CEP135: variants seen among roughly 807,000 people sequenced by gnomAD.
CEP135 encodes centrosomal protein of 135 kDa.
Under a neutral mutation model 157.3 loss-of-function variants are expected in CEP135, and 142 were observed. The ratio of observed to expected loss-of-function variants is 0.90; its 90% CI spans 0.79 to 1.04. The LOEUF (loss-of-function observed/expected upper bound fraction) is 1.04, where lower values mean the gene tolerates loss of function less well. Among genes scored for constraint, CEP135 ranks in the 50% least tolerant of loss-of-function variants. The pLI is 0.00. For synonymous variants in CEP135, 396 were observed against 439.8 expected (o/e 0.90, Z 1.25); for missense variants, 1,317 against 1,309.2 (o/e 1.01, Z -0.09).
In CEP135 at chr4:56,031,377, A is replaced by G. The variant is rs1221095665; in HGVS notation, c.*29A>G. 3 of 152,696 alleles carry G rather than the reference A, an allele frequency of 2.0e-5. No individual in the cohort carries two copies. Among genetic ancestry groups the G allele is most frequent in the Non-Finnish European group, 4.4e-5 (3 of 68,012 alleles). 9.5% of individuals were successfully genotyped at this position (152,696 alleles called of 1,614,324 possible). On this transcript the variant is annotated 3_prime_UTR_variant, in exon 26 of 26. Transcript: ENST00000257287. ...CCTTTCAGAATAATGGCTTTCAATG[A>G]GTTCCTATGTGGATTTTTAAAAGAA...
chr4:55,989,691 A>C (rs972153656), intron 14 of CEP135, among the ~76,000 whole-genome samples: 4 of 152,232 alleles, frequency 2.6e-5, no homozygotes, highest in African/African-American at 4.8e-5. Context: ...AGAAATTACA[A>C]ATGGCTAATA....
intron 21 of CEP135, among the ~76,000 whole-genome samples, chr4:56,012,895 T>C (rs556064979): frequency 2.0e-5 from 3 of 152,352 alleles, no homozygotes; most frequent in Non-Finnish European, 4.4e-5. Flanking sequence ...TTTCAGTTCT[T>C]TTGGGTATAT....
In CEP135 at chr4:55,992,057, C is replaced by T. The variant is rs1729818327; in HGVS notation, c.1981C>T (p.His661Tyr). 6 of 1,598,664 alleles carry T rather than the reference C, an allele frequency of 3.8e-6. No individual in the cohort carries two copies. Among genetic ancestry groups the T allele is most frequent in the Non-Finnish European group, 5.1e-6 (6 of 1,175,996 alleles). The change falls in exon 15 of 26, where the codon CAT (histidine) becomes TAT (tyrosine). Residue 661 changes from histidine to tyrosine, a missense_variant. By Grantham distance (83) the His-to-Tyr change is moderately conservative (BLOSUM62 2). Coordinates refer to ENST00000257287, the MANE Select transcript of CEP135 (RefSeq NM_025009.5). ...KFSHVAGDSS[H>Y]QKTEVNSLRI... ...TAGCCATGTGGCTGGTGACTCATCT[C>T]ATCAGAAAACAGAGGTGAACTCACT...
chr4:56,018,211 C>T (rs2109743436), intron 22 of CEP135, among the ~76,000 whole-genome samples: 1 of 152,256 alleles, frequency 6.6e-6, no homozygotes, highest in East Asian at 1.9e-4. Context: ...AACTCCCAAC[C>T]TCACGTGATC....
chr4:56,010,360 CA>C (rs34182911), intron 19 of CEP135, among the ~76,000 whole-genome samples: 60,819 of 110,684 alleles, frequency 0.55, 13,674 homozygotes, highest in African/African-American at 0.63. Context: ...AGACTCCATC[CA>C]AAAAAAAAAA....
intron 10 of CEP135, among the ~76,000 whole-genome samples, chr4:55,973,305 T>C (rs1407108888): frequency 6.6e-6 from 1 of 152,244 alleles, no homozygotes; most frequent in Non-Finnish European, 1.5e-5. Context: ...TACACTGTTC[T>C]CTTAGCGTTT....
At chr4:56,006,617 C>CA (rs1266449843) in intron 17 of CEP135, among the ~76,000 whole-genome samples, 1 of 151,864 alleles carries the variant, frequency 6.6e-6, no homozygotes, top group Non-Finnish European at 1.5e-5. Flanking sequence ...GACCCTGTCT[C>CA]AAAAAAATAT....
Position 56,011,743 on chromosome 4 carries a change from G to A in CEP135, c.2617-57G>A, listed in dbSNP as rs1730590111. ...GTATGTGTATGTGTTTATGACATAG[G>A]TGTTCCAGGAAGTGACAATTACTAA... On this transcript the variant is annotated intron_variant, in intron 20 of 25. Coordinates refer to ENST00000257287, the MANE Select transcript of CEP135 (RefSeq NM_025009.5). 2.2e-6 allele frequency: 3 copies of A among 1,369,514 alleles called. No homozygotes were observed. The South Asian group carries it at 4.2e-5, about 19-fold the overall frequency. 84.8% of individuals were successfully genotyped at this position (1,369,514 alleles called of 1,614,324 possible). A position where few individuals can be genotyped will look rare whatever the true frequency, so the allele number is the denominator to read the frequency against.
intron 17 of CEP135, among the ~76,000 whole-genome samples, chr4:56,002,672 G>A (rs934961052): frequency 6.6e-6 from 1 of 152,054 alleles, no homozygotes; most frequent in Non-Finnish European, 1.5e-5. Flanking sequence ...GCATATATTT[G>A]CATCAATGAT....
intron 1 of CEP135, among the ~76,000 whole-genome samples, chr4:55,951,749 G>A (rs1258567222): frequency 6.6e-6 from 1 of 152,066 alleles, no homozygotes; most frequent in Non-Finnish European, 1.5e-5. Context: ...AAATTTTGAT[G>A]AAGTCCAATT....
chr4:56,029,620 A>G (rs774937083), intron 25 of CEP135, among the ~76,000 whole-genome samples: 4 of 152,100 alleles, frequency 2.6e-5, no homozygotes, highest in Non-Finnish European at 4.4e-5. Context: ...TACTTACACA[A>G]ACCTAGATGG....
chr4:56,013,878 G>A (rs897236406), intron 21 of CEP135, among the ~76,000 whole-genome samples: 5 of 152,126 alleles, frequency 3.3e-5, no homozygotes, highest in African/African-American at 4.8e-5. Flanking sequence ...AGGTCATAGC[G>A]GATTAGGGTT....
intron 21 of CEP135, among the ~76,000 whole-genome samples, chr4:56,014,952 TG>T (rs35012864): frequency 2.6e-5 from 4 of 151,856 alleles, no homozygotes; most frequent in African/African-American, 9.7e-5. Flanking sequence ...CCCAGCTACT[TG>T]GGGGGCTGAG....
At chr4:56,026,942 T>G (rs1560428657) in intron 25 of CEP135, among the ~76,000 whole-genome samples, 1 of 152,220 alleles carries the variant, frequency 6.6e-6, no homozygotes, top group Non-Finnish European at 1.5e-5. Context: ...TAGAAGATAA[T>G]TAAACATTTC....
chr4:55,955,339 A>G (rs991152999), intron 4 of CEP135, among the ~76,000 whole-genome samples: 1 of 152,186 alleles, frequency 6.6e-6, no homozygotes, highest in African/African-American at 2.4e-5. Flanking sequence ...TTGGAGTTGA[A>G]GAACTAGAAG....
chr4:56,024,533 G>A lies in CEP135; in HGVS notation c.3353G>A (p.Gly1118Asp). ...ERAIQEMRRH[G>D]LATPPLSSTL... ...GCAATCCAAGAGATGCGTCGACATG[G>A]TCTTGCTACACCACCCCTTAGTTCC... The change falls in exon 25 of 26, where the codon GGT (glycine) becomes GAT (aspartate). Residue 1118 changes from glycine to aspartate, a missense_variant. Physicochemically the swap from Gly to Asp is moderately conservative, Grantham distance 94. Coordinates refer to ENST00000257287, the MANE Select transcript of CEP135 (RefSeq NM_025009.5). 1 of 1,613,844 alleles carries A rather than the reference G, an allele frequency of 6.2e-7. No homozygotes were observed. The highest frequency in any genetic ancestry group is 1.3e-5 in the African/African-American group (1 of 74,998).
At chr4:56,023,712 T>C (rs1177011991) in intron 24 of CEP135, among the ~76,000 whole-genome samples, 2 of 143,588 alleles carry the variant, frequency 1.4e-5, no homozygotes, top group Non-Finnish European at 3.0e-5. Flanking sequence ...ATACTGTATA[T>C]TATATGTAAT....
At chr4:56,027,010 A>G (rs942436095) in intron 25 of CEP135, among the ~76,000 whole-genome samples, 2 of 152,296 alleles carry the variant, frequency 1.3e-5, no homozygotes, top group African/African-American at 4.8e-5. Context: ...TGACGTACTG[A>G]TGCCCTCAAG....
At position 55,964,406 on chromosome 4, in the gene CEP135, A is replaced by T; in HGVS notation, c.828+4A>T. On this transcript the variant is annotated splice_donor_region_variant and intron_variant, in intron 7 of 25. Transcript: ENST00000257287. ...TATTGCTCATTTAAATATTCAGGTA[A>T]TGGCTTTTATAATTATTTCACTGAG... 6.3e-7 allele frequency: 1 copy of T among 1,590,558 alleles called. No individual in the cohort carries two copies. Among genetic ancestry groups the T allele is most frequent in the Non-Finnish European group, 8.6e-7 (1 of 1,162,626 alleles).
Sources: gnomAD v4.1 joint callset for allele counts (sites outside exome capture counted in the v4.1 genomes callset) on GRCh38, gnomAD v4.1.1 for gene constraint, MANE v1.5 for transcripts, NCBI Gene and HGNC (gene_info 2026-07-23, HGNC 2026-07-21) for gene names.